Variants in HHAT observed in about 807,000 individuals in gnomAD.
HHAT encodes the protein hedgehog acyltransferase, also known as protein-cysteine N-palmitoyltransferase HHAT.
Under a neutral mutation model 70.8 loss-of-function variants are expected in HHAT, and 47 were observed. The ratio of observed to expected loss-of-function variants is 0.66; its 90% CI spans 0.53 to 0.85. The LOEUF is 0.85. Ranked by LOEUF, HHAT falls within the 40% of genes least tolerant of loss-of-function variation. HHAT has a pLI of 0.00. For synonymous variants in HHAT, 228 were observed against 247.6 expected, an observed-to-expected ratio of 0.92 and a Z score of 0.74; for missense variants, 609 against 604.8, an observed-to-expected ratio of 1.01 and a Z score of -0.07.
At chr1:210,549,539 G>C (rs1364100779) in intron 9 of HHAT, among the ~76,000 whole-genome samples, 1 of 148,712 alleles carries the variant, frequency 6.7e-6, no homozygotes, top group Non-Finnish European at 1.5e-5. Flanking sequence ...CCATTTGATG[G>C]GAAGACATCC....
At chr1:210,492,917 C>T (rs556062026) in intron 8 of HHAT, among the ~76,000 whole-genome samples, 1 of 152,182 alleles carries the variant, frequency 6.6e-6, no homozygotes, top group South Asian at 2.1e-4. Flanking sequence ...GTCTTATCAG[C>T]CTTTCGGGAT....
chr1:210,377,035 C>G (rs1007563177), intron 3 of HHAT, among the ~76,000 whole-genome samples: 1 of 152,216 alleles, frequency 6.6e-6, no homozygotes, highest in South Asian at 2.1e-4. Context: ...AGCTTTCTTG[C>G]ATATGTGAAG....
intron 6 of HHAT, among the ~76,000 whole-genome samples, chr1:210,406,746 G>T (rs982551269): frequency 6.6e-6 from 1 of 152,102 alleles, no homozygotes; most frequent in Non-Finnish European, 1.5e-5. Flanking sequence ...GCAGGGTCCT[G>T]TGTCACACAG....
At chr1:210,496,023 A>AAAAAAG (rs2094634723) in intron 8 of HHAT, among the ~76,000 whole-genome samples, 1 of 150,592 alleles carries the variant, frequency 6.6e-6, no homozygotes, top group African/African-American at 2.4e-5. Context: ...AAAAAAAAAA[A>AAAAAAG]AAAAAAAGAA....
upstream of HHAT, chr1:210,328,475 G>A (rs1224660120): frequency 3.9e-5 from 6 of 152,720 alleles, no homozygotes; most frequent in Admixed American, 3.9e-4. Flanking sequence ...CTGTTTTACA[G>A]AGGTGTACAG....
intron 8 of HHAT, among the ~76,000 whole-genome samples, chr1:210,501,724 G>A (rs1016328983): frequency 6.6e-6 from 1 of 152,120 alleles, no homozygotes; most frequent in African/African-American, 2.4e-5. Flanking sequence ...TGAATCAGAA[G>A]TCAGCTGAAA....
intron 8 of HHAT, among the ~76,000 whole-genome samples, chr1:210,512,048 G>A (rs371463812): frequency 6.6e-6 from 1 of 152,082 alleles, no homozygotes; most frequent in Non-Finnish European, 1.5e-5. Flanking sequence ...AGGCAGTGTC[G>A]TTTATATGGA....
intron 7 of HHAT, among the ~76,000 whole-genome samples, chr1:210,445,300 C>G (rs1323520155): frequency 1.3e-5 from 2 of 152,208 alleles, no homozygotes; most frequent in South Asian, 2.1e-4. Context: ...TTTGCAAGCC[C>G]TATGTTCTTT....
Position 210,674,478 on chromosome 1 carries a change from T to A in HHAT, c.*99T>A. On this transcript the variant is annotated 3_prime_UTR_variant, in exon 12 of 12. Transcript: ENST00000261458. Reference sequence around the variant, plus strand: ...AGGACAGCCTCTAAGGGATTTGATCTGCTCATCTTCAGTTGAATGCCCTCA... The same window carrying A: ...AGGACAGCCTCTAAGGGATTTGATCAGCTCATCTTCAGTTGAATGCCCTCA... The A allele has an allele frequency of 1.1e-6, 1 of 873,222 alleles. No individual in the cohort carries two copies. The highest frequency in any genetic ancestry group is 2.6e-5 in the East Asian group (1 of 38,224). 54.1% of individuals were successfully genotyped at this position (873,222 alleles called of 1,614,324 possible).
At chr1:210,527,982 T>G (rs1023347813) in intron 9 of HHAT, among the ~76,000 whole-genome samples, 13 of 152,306 alleles carry the variant, frequency 8.5e-5, no homozygotes, top group African/African-American at 2.9e-4. Context: ...CATTTGTACA[T>G]CAGATGATTT....
At chr1:210,551,649 T>A (rs563355379) in intron 9 of HHAT, among the ~76,000 whole-genome samples, 17 of 152,380 alleles carry the variant, frequency 1.1e-4, no homozygotes, top group African/African-American at 4.1e-4. Flanking sequence ...GGTTCTTTTT[T>A]AATCTCTAGT....
At chr1:210,555,427 A>G (rs567524043) in intron 9 of HHAT, among the ~76,000 whole-genome samples, 2 of 152,312 alleles carry the variant, frequency 1.3e-5, no homozygotes, top group East Asian at 3.9e-4. Context: ...GCGTAAGACT[A>G]GAATTGTGAG....
At chr1:210,661,584 A>G (rs903677251) in intron 11 of HHAT, among the ~76,000 whole-genome samples, 1 of 152,256 alleles carries the variant, frequency 6.6e-6, no homozygotes, top group Non-Finnish European at 1.5e-5. Flanking sequence ...TCATGCTGCT[A>G]TAAAGACACA....
chr1:210,396,758 A>G lies in HHAT; in HGVS notation c.274-3710A>G, dbSNP rs78705563. Among the ~76,000 whole-genome samples the G allele has an allele frequency of 2.4e-3, 368 of 152,368 alleles. 1 individual carries two copies. Among genetic ancestry groups the G allele is most frequent in the African/African-American group, 8.3e-3 (345 of 41,584 alleles). On this transcript the variant is annotated intron_variant, in intron 4 of 11. Coordinates refer to ENST00000261458, the MANE Select transcript of HHAT (RefSeq NM_018194.6). ...CCACATCATGGAACACTACTCAGCA[A>G]TGAAAAGGAGCAAACCATTGATACA... is the stretch of plus-strand genomic sequence containing the variant.
chr1:210,615,097 C>T (rs143805593), intron 10 of HHAT, among the ~76,000 whole-genome samples: 20 of 152,270 alleles, frequency 1.3e-4, no homozygotes, highest in South Asian at 1.2e-3. Flanking sequence ...TTTTAATGAT[C>T]GCCATTCTAA....
chr1:210,505,445 G>A (rs939767522), intron 8 of HHAT, among the ~76,000 whole-genome samples: 1 of 152,156 alleles, frequency 6.6e-6, no homozygotes, highest in African/African-American at 2.4e-5. Flanking sequence ...GCTGTTTGTT[G>A]TATTTCAATT....
chr1:210,619,040 T>G (rs912633666), intron 10 of HHAT, among the ~76,000 whole-genome samples: 6 of 152,202 alleles, frequency 3.9e-5, no homozygotes, highest in Admixed American at 1.3e-4. Context: ...CTTAGTCTCT[T>G]GGATCACAGG....
intron 1 of HHAT, 103 bp from the exon 2 acceptor site, chr1:210,348,830 G>C (rs1379561348): frequency 8.4e-7 from 1 of 1,190,844 alleles, no homozygotes; most frequent in African/African-American, 1.5e-5. Context: ...GTATCACCTT[G>C]AATAGTGATG....
intron 4 of HHAT, among the ~76,000 whole-genome samples, chr1:210,389,263 C>A (rs1300956673): frequency 6.6e-6 from 1 of 152,164 alleles, no homozygotes; most frequent in Non-Finnish European, 1.5e-5. Context: ...GCTGGGAAGT[C>A]CAAGTCACCA....
Sources: gnomAD v4.1 joint callset for allele counts (sites outside exome capture counted in the v4.1 genomes callset) on GRCh38, gnomAD v4.1.1 for gene constraint, MANE v1.5 for transcripts, NCBI Gene and HGNC (gene_info 2026-07-23, HGNC 2026-07-21) for gene names.